TNFSF4: variants seen among roughly 807,000 people sequenced by gnomAD.
TNFSF4 encodes TNF superfamily member 4, also known as tumor necrosis factor ligand superfamily member 4.
In TNFSF4, 4 loss-of-function variants were observed where a neutral mutation model predicts 7.3. The observed-to-expected ratio is 0.55, with a 90% CI of 0.27 to 1.25. TNFSF4 has a LOEUF of 1.25. Ranked by LOEUF, TNFSF4 falls within the 50% of genes most tolerant of loss-of-function variation. The probability of loss-of-function intolerance (pLI) is 0.12; values close to 1 mark genes in which losing one functional copy is unlikely to be tolerated. For missense variants in TNFSF4, 181 were observed against 208.8 expected (o/e 0.87, Z 0.82); for synonymous variants, 76 against 83.7 (o/e 0.91, Z 0.50).
chr1:173,192,233 C>A (rs900957523), intron 1 of TNFSF4, among the ~76,000 whole-genome samples: 9 of 152,142 alleles, frequency 5.9e-5, no homozygotes, highest in Non-Finnish European at 1.2e-4. Flanking sequence ...CTCTGTATTC[C>A]CATACAAGTA....
At chr1:173,271,735 C>T in the TNFSF4 span, among the ~76,000 whole-genome samples, 3 of 152,064 alleles carry the variant, frequency 2.0e-5, no homozygotes, top group Non-Finnish European at 4.4e-5. Flanking sequence ...TAGGAATGCT[C>T]TTACACTGTT....
chr1:173,365,934 A>G, the TNFSF4 span, among the ~76,000 whole-genome samples: 3 of 152,200 alleles, frequency 2.0e-5, no homozygotes, highest in Admixed American at 2.0e-4. Context: ...TAGACTCTTT[A>G]TTTGTAATAC....
the TNFSF4 span, among the ~76,000 whole-genome samples, chr1:173,434,429 G>A: frequency 6.6e-6 from 1 of 152,212 alleles, no homozygotes; most frequent in East Asian, 1.9e-4. Context: ...ACTGGTAAGT[G>A]AGCAATCAGT....
the TNFSF4 span, among the ~76,000 whole-genome samples, chr1:173,226,529 T>C: frequency 6.6e-6 from 1 of 152,256 alleles, no homozygotes; most frequent in African/African-American, 2.4e-5. Context: ...GATGGTTACA[T>C]GAGATATAAA....
chr1:173,207,138 A>G lies in TNFSF4; in HGVS notation c.39T>C (p.Asn13=), dbSNP rs773732980. 2.5e-6 allele frequency: 4 copies of G among 1,613,664 alleles called. No individual in the cohort carries two copies. Among genetic ancestry groups the G allele is most frequent in the Admixed American group, 1.7e-5 (1 of 59,942 alleles). ...RVQPLEENVG[N]AARPRFERNK... is the part of the protein sequence containing the mutation. ...TCCTCTCGAATCTTGGCCTGGCTGC[A>G]TTTCCCACATTCTCTTCCAGGGGTT... The change falls in exon 1 of 3, where the codon AAT becomes AAC. Residue 13 remains asparagine (N), a synonymous_variant. Coordinates refer to ENST00000281834, the MANE Select transcript of TNFSF4 (RefSeq NM_003326.5).
the TNFSF4 span, among the ~76,000 whole-genome samples, chr1:173,368,033 GCTCTGTAAAATGCACCAATCAGCA>G: frequency 2.0e-5 from 3 of 152,184 alleles, no homozygotes; most frequent in African/African-American, 7.2e-5. Flanking sequence ...ATCAATCAGT[GCTCTGTAAAATGCACCAATCAGCA>G]CTCTGTAAAA....
chr1:173,441,397 C>T, the TNFSF4 span, among the ~76,000 whole-genome samples: 1 of 152,076 alleles, frequency 6.6e-6, no homozygotes, highest in East Asian at 1.9e-4. Context: ...CCAAGGTGGG[C>T]GGATTGCCTG....
the TNFSF4 span, among the ~76,000 whole-genome samples, chr1:173,368,748 T>G: frequency 1.3e-5 from 2 of 152,258 alleles, no homozygotes; most frequent in African/African-American, 4.8e-5. Flanking sequence ...CTCTCAAAGT[T>G]ACATCACCCA....
At chr1:173,183,557 A>C (rs1311802230), downstream of TNFSF4, among the ~76,000 whole-genome samples, 1 of 152,190 alleles carries the variant, frequency 6.6e-6, no homozygotes, top group Non-Finnish European at 1.5e-5. Context: ...GCATCTTTTC[A>C]AAAGCAAAGA....
chr1:173,271,060 G>C, the TNFSF4 span, among the ~76,000 whole-genome samples: 2 of 152,104 alleles, frequency 1.3e-5, no homozygotes, highest in Non-Finnish European at 2.9e-5. Context: ...TTAAAGAACT[G>C]AGATTCTAAA....
chr1:173,215,763 G>A, the TNFSF4 span, among the ~76,000 whole-genome samples: 1 of 152,152 alleles, frequency 6.6e-6, no homozygotes, highest in Non-Finnish European at 1.5e-5. Flanking sequence ...CTGAACCCCA[G>A]TAAGCTCTAG....
the TNFSF4 span, among the ~76,000 whole-genome samples, chr1:173,336,897 C>T: frequency 1.5e-4 from 23 of 151,990 alleles, 1 homozygote; most frequent in African/African-American, 5.5e-4. Flanking sequence ...AAAAAAAAGG[C>T]ACAATGCTTA....
chr1:173,401,195 T>C, the TNFSF4 span, among the ~76,000 whole-genome samples: 1 of 152,222 alleles, frequency 6.6e-6, no homozygotes, highest in Non-Finnish European at 1.5e-5. Flanking sequence ...ACTCCTCTTC[T>C]GGGAAAAAGG....
chr1:173,449,088 C>T, the TNFSF4 span, among the ~76,000 whole-genome samples: 1 of 152,080 alleles, frequency 6.6e-6, no homozygotes, highest in South Asian at 2.1e-4. Context: ...CCTCTTGGTA[C>T]TGTCCTCACA....
the TNFSF4 span, among the ~76,000 whole-genome samples, chr1:173,175,932 T>C: frequency 2.0e-5 from 3 of 152,158 alleles, no homozygotes; most frequent in Admixed American, 6.5e-5. Context: ...GAGGAAGTCA[T>C]GGTTTTTTGT....
the TNFSF4 span, among the ~76,000 whole-genome samples, chr1:173,387,098 G>A: frequency 6.6e-6 from 1 of 152,172 alleles, no homozygotes; most frequent in African/African-American, 2.4e-5. Context: ...TTGAGTTGGT[G>A]CTGGAATGAG....
At chr1:173,377,904 G>A in the TNFSF4 span, among the ~76,000 whole-genome samples, 1 of 152,122 alleles carries the variant, frequency 6.6e-6, no homozygotes, top group African/African-American at 2.4e-5. Context: ...TCAGGGTACG[G>A]CCCTCCACTT....
chr1:173,344,305 T>A, the TNFSF4 span, among the ~76,000 whole-genome samples: 1 of 152,172 alleles, frequency 6.6e-6, no homozygotes, highest in Non-Finnish European at 1.5e-5. Context: ...CAGTATGGCA[T>A]GGGGGAAAGT....
chr1:173,372,908 T>C, the TNFSF4 span, among the ~76,000 whole-genome samples: 1 of 152,164 alleles, frequency 6.6e-6, no homozygotes, highest in African/African-American at 2.4e-5. Flanking sequence ...TTAACCTATA[T>C]ACCGATGGAA....
Sources: gnomAD v4.1 joint callset for allele counts (sites outside exome capture counted in the v4.1 genomes callset) on GRCh38, gnomAD v4.1.1 for gene constraint, MANE v1.5 for transcripts, NCBI Gene and HGNC (gene_info 2026-07-23, HGNC 2026-07-21) for gene names.